The following UHRF2 variants were observed in gnomAD, a reference collection of about 807,000 sequenced individuals.
UHRF2 encodes E3 ubiquitin-protein ligase UHRF2.
Under a neutral mutation model 96.8 loss-of-function variants are expected in UHRF2, and 23 were observed. That is an observed-to-expected ratio of 0.24 (90% CI 0.17 to 0.34). UHRF2 has a LOEUF of 0.34. Ranked by LOEUF, UHRF2 falls within the 10% of genes least tolerant of loss-of-function variation. The pLI is 1.00. For missense variants in UHRF2, 685 were observed against 981.5 expected (o/e 0.70, Z 4.04); for synonymous variants, 385 against 332.6 (o/e 1.16, Z -1.72).
At chr9:6,492,459 A>T in intron 9 of UHRF2, 1 of 720,288 alleles carries the variant, frequency 1.4e-6, no homozygotes, top group Non-Finnish European at 1.7e-6. Flanking sequence ...AAGTTTCGTA[A>T]TACCTTGTTT....
intron 2 of UHRF2, among the ~76,000 whole-genome samples, chr9:6,429,167 G>GAAA (rs879346848): frequency 7.4e-6 from 1 of 135,296 alleles, no homozygotes; most frequent in African/African-American, 2.7e-5. Context: ...TCTGTCTCAG[G>GAAA]AAAAAAAAAA....
intron 4 of UHRF2, among the ~76,000 whole-genome samples, chr9:6,461,533 C>T (rs1446233522): frequency 6.6e-6 from 1 of 151,602 alleles, no homozygotes; most frequent in Non-Finnish European, 1.5e-5. Flanking sequence ...ACACCACGCC[C>T]ACCTAACTTT....
At chr9:6,501,765 TC>T (rs1221463017) in intron 14 of UHRF2, among the ~76,000 whole-genome samples, 1 of 152,182 alleles carries the variant, frequency 6.6e-6, no homozygotes, top group Non-Finnish European at 1.5e-5. Flanking sequence ...CTTTGTTAGG[TC>T]ACACTCATTT....
At chr9:6,470,611 T>A (rs1013344419) in intron 4 of UHRF2, among the ~76,000 whole-genome samples, 4 of 152,174 alleles carry the variant, frequency 2.6e-5, no homozygotes, top group African/African-American at 7.2e-5. Context: ...TAATTTTTTT[T>A]AAATAGTGAA....
At chr9:6,487,120 G>A (rs1242734163) in intron 9 of UHRF2, among the ~76,000 whole-genome samples, 195 bp downstream of exon 9, 1 of 145,438 alleles carries the variant, frequency 6.9e-6, no homozygotes. Flanking sequence ...TGACTTATAT[G>A]TGTTTGTTAA....
Position 6,465,303 on chromosome 9 carries a change from A to G in UHRF2, c.863+4512A>G, listed in dbSNP as rs185569739. Reference sequence around the variant, plus strand: ...ATTTACATGTTAATTTTCCTATCTCAGTGTCCTTCACGGATTTATGCTAGT... The same window carrying G: ...ATTTACATGTTAATTTTCCTATCTCGGTGTCCTTCACGGATTTATGCTAGT... On this transcript the variant is annotated intron_variant, in intron 4 of 15. Transcript: ENST00000276893. Among the ~76,000 whole-genome samples, 220 of 152,304 alleles carry G rather than the reference A, an allele frequency of 1.4e-3. 3 individuals are homozygous for G. Among genetic ancestry groups the G allele is most frequent in the Non-Finnish European group, 4.1e-4 (28 of 68,008 alleles).
At chr9:6,433,001 T>G (rs1048546410) in intron 2 of UHRF2, among the ~76,000 whole-genome samples, 1 of 151,924 alleles carries the variant, frequency 6.6e-6, no homozygotes, top group African/African-American at 2.4e-5. Flanking sequence ...CCACCACGCC[T>G]GGCTAATTTT....
At chr9:6,487,214 G>T (rs1163042166) in intron 9 of UHRF2, among the ~76,000 whole-genome samples, 1 of 98,192 alleles carries the variant, frequency 1.0e-5, no homozygotes, top group Non-Finnish European at 1.8e-5. Context: ...TTTTGAGATG[G>T]AGTCTCGCTA....
intron 9 of UHRF2, chr9:6,492,553 T>C (rs1824721451): frequency 6.0e-6 from 1 of 167,302 alleles, no homozygotes; most frequent in Non-Finnish European, 1.2e-5. Context: ...TTTAAGACCA[T>C]GAGATGTTTA....
At chr9:6,501,830 C>A (rs116557843) in intron 14 of UHRF2, among the ~76,000 whole-genome samples, 2,046 of 152,234 alleles carry the variant, frequency 0.013, 39 homozygotes, top group African/African-American at 0.046. Flanking sequence ...CCTAATTATT[C>A]TCTGATTGGG....
chr9:6,494,070 T>G, intron 10 of UHRF2, 138 bp downstream of exon 10: 2 of 674,934 alleles, frequency 3.0e-6, no homozygotes, highest in South Asian at 2.2e-5. Flanking sequence ...AGTGCCTGAT[T>G]ATGTAATTGT....
chr9:6,437,493 A>G (rs1329667464), intron 3 of UHRF2, among the ~76,000 whole-genome samples: 2 of 152,184 alleles, frequency 1.3e-5, no homozygotes, highest in African/African-American at 4.8e-5. Flanking sequence ...TCAACCTCCC[A>G]AAGTGCTGGG....
At chr9:6,481,827 C>A in intron 7 of UHRF2, 61 bp downstream of exon 7, 2 of 1,571,092 alleles carry the variant, frequency 1.3e-6, no homozygotes, top group South Asian at 2.4e-5. Context: ...TGTTTTAATA[C>A]CAATAGTAGT....
At chr9:6,446,788 T>A (rs367657466) in intron 3 of UHRF2, among the ~76,000 whole-genome samples, 10 of 151,862 alleles carry the variant, frequency 6.6e-5, no homozygotes, top group African/African-American at 2.4e-4. Context: ...GGGATTACAG[T>A]GAGCTGAAAT....
At chr9:6,413,682 C>T (rs986429246) in intron 1 of UHRF2, 39 bp downstream of exon 1, 1 of 1,514,618 alleles carries the variant, frequency 6.6e-7, no homozygotes, top group South Asian at 1.2e-5. Context: ...AGGCTGGGGG[C>T]CGGAACAGCT....
chr9:6,454,937 G>T (rs1351404145), intron 3 of UHRF2, among the ~76,000 whole-genome samples: 2 of 152,166 alleles, frequency 1.3e-5, no homozygotes, highest in Admixed American at 1.3e-4. Flanking sequence ...TCTGACTAAG[G>T]GTCTGAGATG....
chr9:6,462,619 A>G (rs926867251), intron 4 of UHRF2, among the ~76,000 whole-genome samples: 1 of 152,218 alleles, frequency 6.6e-6, no homozygotes, highest in East Asian at 1.9e-4. Context: ...AAAGCTTGCT[A>G]TTAAAAAAAG....
intron 3 of UHRF2, among the ~76,000 whole-genome samples, chr9:6,436,735 A>G (rs1057440867): frequency 3.3e-5 from 5 of 152,232 alleles, no homozygotes; most frequent in Non-Finnish European, 7.3e-5. Flanking sequence ...ATCTTAGAGC[A>G]CAAAACACAG....
At chr9:6,435,321 T>C (rs1820778516) in intron 3 of UHRF2, among the ~76,000 whole-genome samples, 1 of 152,092 alleles carries the variant, frequency 6.6e-6, no homozygotes, top group African/African-American at 2.4e-5. Flanking sequence ...AGATGTGGTC[T>C]CACTATATTG....
Sources: allele counts gnomAD v4.1 joint callset (sites outside exome capture counted in the v4.1 genomes callset), GRCh38; gene constraint gnomAD v4.1.1; transcripts MANE v1.5; gene names NCBI Gene and HGNC (gene_info 2026-07-23, HGNC 2026-07-21).